The following TMIGD3 variants were observed in gnomAD, a reference collection of about 807,000 sequenced individuals.
TMIGD3 encodes transmembrane and immunoglobulin domain containing 3.
In TMIGD3, 21 loss-of-function variants were observed where a neutral mutation model predicts 28.1. The ratio of observed to expected loss-of-function variants is 0.75; its 90% CI spans 0.53 to 1.08. The LOEUF (loss-of-function observed/expected upper bound fraction) is 1.08, where lower values mean the gene tolerates loss of function less well. TMIGD3 is among the 50% of genes least tolerant of loss of function. The pLI is 0.00. For missense variants in TMIGD3, 416 were observed against 435.6 expected, an observed-to-expected ratio of 0.96 and a Z score of 0.40; for synonymous variants, 151 against 162.1, an observed-to-expected ratio of 0.93 and a Z score of 0.52.
intron 1 of TMIGD3, among the ~76,000 whole-genome samples, chr1:111,545,729 C>T (rs1657011968): frequency 6.6e-6 from 1 of 152,064 alleles, no homozygotes. Flanking sequence ...ACACCTGTTT[C>T]CTTTGAAAAG....
chr1:111,511,525 G>A (rs1375413865), intron 1 of TMIGD3, among the ~76,000 whole-genome samples: 3 of 152,176 alleles, frequency 2.0e-5, no homozygotes, highest in African/African-American at 7.2e-5. Context: ...ACTACAGATA[G>A]AAAACACCAC....
In TMIGD3 at chr1:111,501,829, C is replaced by T. The variant is rs112154549; in HGVS notation, c.350+1176G>A. ...GCTTGTTTGTAGCTCCCTCACTCTGCTCTTTCCTCCAGAGAAGTGACGAGA... is the reference window on the plus strand; with the variant it reads ...GCTTGTTTGTAGCTCCCTCACTCTGTTCTTTCCTCCAGAGAAGTGACGAGA... On this transcript the variant is annotated intron_variant, in intron 1 of 5. Transcript: ENST00000369716. 5.7e-3 allele frequency among the ~76,000 whole-genome samples: 873 copies of T among 151,882 alleles called. 9 individuals carry two copies. The highest frequency in any genetic ancestry group is 0.018 in the African/African-American group (728 of 41,396).
At position 111,563,876 on chromosome 1, in the gene TMIGD3, C is replaced by T. The variant is rs751428128; in HGVS notation, c.77G>A (p.Trp26Ter). Reference sequence around the variant, plus strand: ...CTCAGGACTCAAGCAGCCCAGTGTCCAGTCTGGCTGCTCTTCCCAGGAGCT... The same window carrying T: ...CTCAGGACTCAAGCAGCCCAGTGTCTAGTCTGGCTGCTCTTCCCAGGAGCT... The change falls in exon 1 of 6, where the codon TGG (tryptophan) becomes TAG (stop). Residue 26 changes from tryptophan to a stop codon, truncating the protein, a stop_gained. Coordinates refer to the TMIGD3 transcript ENST00000369717. LOFTEE classifies it high-confidence loss of function. The T allele has an allele frequency of 8.1e-6, 13 of 1,613,408 alleles. No homozygotes were observed. Among genetic ancestry groups the T allele is most frequent in the African/African-American group, 8.0e-5 (6 of 74,918 alleles).
At chr1:111,502,046 T>TTAATATAATAAATATATAGGATATATA (rs1557823809) in intron 1 of TMIGD3, among the ~76,000 whole-genome samples, 1 of 40,062 alleles carries the variant, frequency 2.5e-5, no homozygotes. Context: ...GGATATATAT[T>TTAATATAATAAATATATAGGATATATA]TAATATAATA....
Position 111,563,796 on chromosome 1 carries a change from C to T in TMIGD3, c.107+50G>A, listed in dbSNP as rs775065597. On this transcript the variant is annotated intron_variant, in intron 1 of 5. Coordinates refer to the TMIGD3 transcript ENST00000369717. ...TTCCAAAGTGGTCAGTATGCAGACT[C>T]AGACCCCAACCTCTGCCTCCCAGCA... 3.4e-6 allele frequency: 5 copies of T among 1,470,834 alleles called. No homozygotes were observed. In the South Asian group the frequency reaches 4.6e-5, roughly 13 times the overall value. 91.1% of individuals were successfully genotyped at this position (1,470,834 alleles called of 1,614,324 possible).
intron 3 of TMIGD3, among the ~76,000 whole-genome samples, chr1:111,486,869 C>G (rs1030650637): frequency 6.6e-6 from 1 of 152,228 alleles, no homozygotes; most frequent in Non-Finnish European, 1.5e-5. Flanking sequence ...AGCCCACACT[C>G]TGCTTGCCAG....
At chr1:111,517,493 A>G (rs1192967359) in intron 1 of TMIGD3, among the ~76,000 whole-genome samples, 1 of 152,190 alleles carries the variant, frequency 6.6e-6, no homozygotes, top group African/African-American at 2.4e-5. Flanking sequence ...AATGTGTCCT[A>G]TTCTGAGAAT....
chr1:111,547,388 T>C (rs919279231), intron 1 of TMIGD3, among the ~76,000 whole-genome samples: 1 of 152,108 alleles, frequency 6.6e-6, no homozygotes, highest in Non-Finnish European at 1.5e-5. Flanking sequence ...TTATATTGAT[T>C]AATTTTTATA....
intron 1 of TMIGD3, among the ~76,000 whole-genome samples, chr1:111,493,128 T>C (rs1313126302): frequency 6.6e-6 from 1 of 152,204 alleles, no homozygotes; most frequent in East Asian, 1.9e-4. Flanking sequence ...CATAATTTGA[T>C]AACTACCAAA....
Position 111,563,834 on chromosome 1 carries a change from G to A in TMIGD3, c.107+12C>T, listed in dbSNP as rs181273653. 153 of 1,607,292 alleles carry A rather than the reference G, an allele frequency of 9.5e-5. No homozygotes were observed. The African/African-American group carries it at 1.6e-3, about 17-fold the overall frequency. ...CTGCCTCCCAGCAGCTATATTTTCT[G>A]CTATGACTCACTGTGACTCAGGACT... On this transcript the variant is annotated intron_variant, in intron 1 of 5. Transcript: ENST00000369717.
intron 1 of TMIGD3, among the ~76,000 whole-genome samples, chr1:111,554,739 T>C (rs1657410437): frequency 6.6e-6 from 1 of 152,222 alleles, no homozygotes; most frequent in South Asian, 2.1e-4. Context: ...ACAGCCTGAA[T>C]TCACATTTCC....
chr1:111,496,120 C>A lies in TMIGD3; in HGVS notation c.351-5358G>T, dbSNP rs114964441. 5.5e-3 allele frequency among the ~76,000 whole-genome samples: 839 copies of A among 152,218 alleles called. 3 individuals are homozygous for A. Among genetic ancestry groups the A allele is most frequent in the Non-Finnish European group, 9.3e-3 (635 of 68,000 alleles). ...CAAACCTATGAAATTACCTATATGG[C>A]AAACCTGCACAGGTATCCCTGAACC... On this transcript the variant is annotated intron_variant, in intron 1 of 5. Coordinates refer to ENST00000369716, the MANE Select transcript of TMIGD3 (RefSeq NM_020683.7).
At chr1:111,550,733 A>G (rs1251582298) in intron 1 of TMIGD3, among the ~76,000 whole-genome samples, 2 of 152,216 alleles carry the variant, frequency 1.3e-5, no homozygotes, top group African/African-American at 4.8e-5. Flanking sequence ...AGGCTCAAGC[A>G]GTCTTCACAC....
intron 1 of TMIGD3, among the ~76,000 whole-genome samples, chr1:111,517,226 T>C (rs1655901114): frequency 6.6e-6 from 1 of 152,182 alleles, no homozygotes; most frequent in Admixed American, 6.5e-5. Flanking sequence ...CCATATCCTT[T>C]CTCTTAGGCT....
intron 1 of TMIGD3, among the ~76,000 whole-genome samples, chr1:111,548,259 G>A (rs1038790460): frequency 4.6e-5 from 7 of 152,166 alleles, no homozygotes; most frequent in African/African-American, 2.4e-5. Flanking sequence ...GGCCTCAAGC[G>A]ACCCACCCAC....
In TMIGD3 at chr1:111,488,874, G is replaced by A; in HGVS notation, c.608C>T (p.Pro203Leu). Residue 203 changes from proline (P) to leucine (L), a missense_variant, in exon 3 of 6, where the codon CCT becomes CTT. By Grantham distance (98) the Pro-to-Leu change is moderately conservative. Coordinates refer to ENST00000369716, the MANE Select transcript of TMIGD3 (RefSeq NM_020683.7). ...CAGGGCCACATGATTGGTGCTGTTAGGGGAGAAGGCGATGATGTTGCAGTA... is the reference window on the plus strand; with the variant it reads ...CAGGGCCACATGATTGGTGCTGTTAAGGGAGAAGGCGATGATGTTGCAGTA... ...RDYCNIIAFSPNSTNHVALRD... is the reference protein window; with the variant it reads ...RDYCNIIAFSLNSTNHVALRD... The A allele has an allele frequency of 3.1e-6, 5 of 1,614,222 alleles. No homozygotes were observed. Among genetic ancestry groups the A allele is most frequent in the Middle Eastern group, 1.6e-4 (1 of 6,062 alleles).
At chr1:111,531,549 A>G (rs941309452) in intron 1 of TMIGD3, among the ~76,000 whole-genome samples, 1 of 152,104 alleles carries the variant, frequency 6.6e-6, no homozygotes, top group Non-Finnish European at 1.5e-5. Context: ...TACTAATTCT[A>G]TCAAGTGTGT....
At chr1:111,501,351 G>A (rs1655163656) in intron 1 of TMIGD3, 2 of 152,270 alleles carry the variant, frequency 1.3e-5, no homozygotes, top group East Asian at 3.9e-4. Flanking sequence ...TGTCCTTCCT[G>A]ACAGCAGCCT....
intron 1 of TMIGD3, among the ~76,000 whole-genome samples, chr1:111,498,728 G>A (rs1222371513): frequency 6.6e-6 from 1 of 152,102 alleles, no homozygotes; most frequent in Non-Finnish European, 1.5e-5. Context: ...CATTATAGTG[G>A]TACCTACCTC....
Sources: gnomAD v4.1 joint callset for allele counts (sites outside exome capture counted in the v4.1 genomes callset) on GRCh38, gnomAD v4.1.1 for gene constraint, MANE v1.5 for transcripts, NCBI Gene and HGNC (gene_info 2026-07-23, HGNC 2026-07-21) for gene names.